UNC13A: variants seen among roughly 807,000 people sequenced by gnomAD.
UNC13A encodes unc-13 homolog A, also known as protein unc-13 homolog A.
UNC13A carries 61 observed loss-of-function variants against 219.7 expected under a neutral mutation model. The observed-to-expected ratio is 0.28, with a 90% CI of 0.23 to 0.34. The LOEUF (loss-of-function observed/expected upper bound fraction) is 0.34. Ranked by LOEUF, UNC13A falls within the 10% of genes least tolerant of loss-of-function variation. The pLI, the probability that UNC13A is intolerant of heterozygous loss-of-function variation, is 1.00. For missense variants in UNC13A, 1,476 were observed against 2,270.3 expected (o/e 0.65, Z 7.11); for synonymous variants, 920 against 884.6 (o/e 1.04, Z -0.71).
chr19:17,674,212 A>G lies in UNC13A; in HGVS notation c.152+445T>C, dbSNP rs984003805. Among the ~76,000 whole-genome samples, 4 of 152,238 alleles carry G rather than the reference A, an allele frequency of 2.6e-5. No individual in the cohort carries two copies. The South Asian group carries it at 8.3e-4, about 32-fold the overall frequency. On this transcript the variant is annotated intron_variant, in intron 3 of 43. Transcript: ENST00000519716. The surrounding 1 kb of genome is among the most constrained non-coding windows in gnomAD (Gnocchi z 5.0). ...AAGAACAAGCTGGGAAGTGTTGGAGAAAGGGGCAGAGGTGGGTGTGGCTGG... is the reference window on the plus strand; with the variant it reads ...AAGAACAAGCTGGGAAGTGTTGGAGGAAGGGGCAGAGGTGGGTGTGGCTGG...
rs374156776 is a variant in UNC13A, at chr19:17,649,259, T to C, written c.1524+80A>G. 4.6e-6 allele frequency: 7 copies of C among 1,533,078 alleles called. No individual in the cohort carries two copies. The highest frequency in any genetic ancestry group is 6.1e-6 in the Non-Finnish European group (7 of 1,142,774). 95.0% of individuals were successfully genotyped at this position (1,533,078 alleles called of 1,614,324 possible). On this transcript the variant is annotated intron_variant, in intron 14 of 43. Transcript: ENST00000519716. The surrounding 1 kb of genome is among the most constrained non-coding windows in gnomAD (Gnocchi z 4.4). Reference sequence around the variant, plus strand: ...CATGGCAAGGTTCCCCCATAATCCATGAATTGGGGGCCTGTTAGAAGATCC... The same window carrying C: ...CATGGCAAGGTTCCCCCATAATCCACGAATTGGGGGCCTGTTAGAAGATCC...
chr19:17,646,642 T>C (rs563886165), intron 17 of UNC13A, among the ~76,000 whole-genome samples: 18 of 152,048 alleles, frequency 1.2e-4, no homozygotes, highest in South Asian at 4.2e-4. Flanking sequence ...CAAGAACCCA[T>C]TGCCCCCCGA....
At position 17,610,014 on chromosome 19, in the gene UNC13A, G is replaced by A; in HGVS notation, c.4737C>T (p.Ser1579=). ...TGGTCGCAAACTTGCGTTTCTTGTC[G>A]CTGAGCTGGGGCCCAATGATGTTGA... ...IEVNIIGPQL[S]DKKRKFATKS... Residue 1579 remains serine (S), a synonymous_variant, in exon 43 of 44, where the codon AGC becomes AGT. Coordinates refer to ENST00000519716, the MANE Select transcript of UNC13A (RefSeq NM_001080421.3). The A allele has an allele frequency of 5.0e-6, 8 of 1,614,022 alleles. No individual in the cohort carries two copies. In the Admixed American group the frequency reaches 6.7e-5, roughly 13 times the overall value.
intron 8 of UNC13A, among the ~76,000 whole-genome samples, chr19:17,662,522 C>T (rs1041294244): frequency 6.6e-5 from 10 of 152,114 alleles, no homozygotes; most frequent in African/African-American, 4.8e-5. Context: ...GAACTTGAAT[C>T]ATCCAGAAAC....
intron 43 of UNC13A, among the ~76,000 whole-genome samples, chr19:17,609,361 C>T (rs868576098): frequency 6.6e-6 from 1 of 151,948 alleles, no homozygotes; most frequent in Non-Finnish European, 1.5e-5. Context: ...ACTCCAAGAA[C>T]CTCCATCCAA....
chr19:17,670,147 C>T (rs1443480113), intron 4 of UNC13A, among the ~76,000 whole-genome samples: 1 of 151,840 alleles, frequency 6.6e-6, no homozygotes, highest in African/African-American at 2.4e-5. Context: ...GGGGTTTCAC[C>T]GTGTTAGCCA....
In UNC13A at chr19:17,605,261, C is replaced by T; in HGVS notation, c.*793G>A. 1 of 153,040 alleles carries T rather than the reference C, an allele frequency of 6.5e-6. No homozygotes were observed. Among genetic ancestry groups the T allele is most frequent in the Non-Finnish European group, 1.5e-5 (1 of 68,254 alleles). 9.5% of individuals were successfully genotyped at this position (153,040 alleles called of 1,614,324 possible). A position where few individuals can be genotyped will look rare whatever the true frequency, so the allele number is the denominator to read the frequency against. ...GAGGGTATGGCACCTGGAACCTTGG[C>T]CAAGTCTCAAGCAGCTCTTTAAGCC... On this transcript the variant is annotated 3_prime_UTR_variant, in exon 44 of 44. Coordinates refer to ENST00000519716, the MANE Select transcript of UNC13A (RefSeq NM_001080421.3).
At chr19:17,620,428 C>T (rs956022854) in intron 38 of UNC13A, among the ~76,000 whole-genome samples, 5 of 152,222 alleles carry the variant, frequency 3.3e-5, no homozygotes, top group South Asian at 2.1e-4. Flanking sequence ...AGGGGTCCAG[C>T]GGACTGGGCC....
In UNC13A at chr19:17,606,953, C is replaced by T. The variant is rs77412798; in HGVS notation, c.4812-599G>A. Among the ~76,000 whole-genome samples the T allele has an allele frequency of 5.2e-3, 794 of 152,290 alleles. 14 individuals carry two copies. The highest frequency in any genetic ancestry group is 0.018 in the African/African-American group (743 of 41,558). On this transcript the variant is annotated intron_variant, in intron 43 of 43. Transcript: ENST00000519716. ...TCCCAGTGACCTGCCCTGACGCCAGCTGGATAAGAGCCCCTCCTACAGGGT... is the reference window on the plus strand; with the variant it reads ...TCCCAGTGACCTGCCCTGACGCCAGTTGGATAAGAGCCCCTCCTACAGGGT...
chr19:17,658,268 G>A lies in UNC13A; in HGVS notation c.561C>T (p.Asn187=), dbSNP rs769080235. 6 of 1,610,728 alleles carry A rather than the reference G, an allele frequency of 3.7e-6. No individual in the cohort carries two copies. The highest frequency in any genetic ancestry group is 2.7e-5 in the African/African-American group (2 of 74,878). ...WNYFGWGEQH[N]DDPDSAVDDR... ...CATCCACTGCACTGTCGGGGTCATC[G>A]TCTGGAAGAGAGAGGCGGTATGGGA... Residue 187 remains asparagine, a splice_region_variant and synonymous_variant, in exon 9 of 44, where the codon AAC becomes AAT. Transcript: ENST00000519716.
At chr19:17,623,363 A>C in intron 36 of UNC13A, 179 bp downstream of exon 36, 5 of 511,662 alleles carry the variant, frequency 9.8e-6, no homozygotes, top group East Asian at 3.6e-5. Flanking sequence ...CCTCCCTCCC[A>C]GCCCCGCCCC....
Position 17,606,100 on chromosome 19 carries a change from G to A in UNC13A, c.5066C>T (p.Ser1689Leu). ...EVAKEFVKLK[S>L]DTRSAEEGGA... The stretch of plus-strand genomic sequence containing the variant: ...GCCCTCCTCGGCGGAGCGCGTGTCC[G>A]ACTTGAGCTTCACGAACTCCTTGGC... The change falls in exon 44 of 44, where the codon TCG (serine) becomes TTG (leucine). Residue 1689 changes from serine (S) to leucine (L), a missense_variant. By Grantham distance (145) the Ser-to-Leu change is moderately radical. Transcript: ENST00000519716. The A allele has an allele frequency of 6.3e-7, 1 of 1,595,394 alleles. No individual in the cohort carries two copies. The highest frequency in any genetic ancestry group is 8.5e-7 in the Non-Finnish European group (1 of 1,173,230).
chr19:17,676,030 T>C lies in UNC13A; in HGVS notation c.34A>G (p.Lys12Glu). 6.4e-7 allele frequency: 1 copy of C among 1,551,296 alleles called. No individual in the cohort carries two copies. Among genetic ancestry groups the C allele is most frequent in the Non-Finnish European group, 8.7e-7 (1 of 1,146,908 alleles). ...SLLCVGVKKAKFDGAQEKFNT... is the reference protein window; with the variant it reads ...SLLCVGVKKAEFDGAQEKFNT... ...CACTTACCTTGGGCACCATCAAACT[T>C]GGCTTTTTTGACTGTGGAGAGAGAC... The change falls in exon 2 of 44, where the codon AAG becomes GAG. Residue 12 changes from lysine to glutamate, a missense_variant. Around this residue, in one of 14 missense-constraint regions of UNC13A, gnomAD observed 203 missense variants for 301.6 expected, o/e 0.67. Transcript: ENST00000519716.
At chr19:17,685,940 C>G (rs1461193898) in intron 1 of UNC13A, among the ~76,000 whole-genome samples, 1 of 151,864 alleles carries the variant, frequency 6.6e-6, no homozygotes, top group Non-Finnish European at 1.5e-5. Flanking sequence ...CCATCCCAGC[C>G]CCTCCCCTCT....
intron 11 of UNC13A, among the ~76,000 whole-genome samples, chr19:17,653,145 G>C (rs2079381275): frequency 6.6e-6 from 1 of 151,992 alleles, no homozygotes; most frequent in African/African-American, 2.4e-5. Flanking sequence ...GGCCCTATGA[G>C]GAACACAGGC....
rs924877227 is a variant in UNC13A, at chr19:17,605,496, C to T, written c.*558G>A. ...CCCCTCCCCCCATTTATTTTTTGCA[C>T]AAATATCTAAAGGGACTCCGGTATT... On this transcript the variant is annotated 3_prime_UTR_variant, in exon 44 of 44. Transcript: ENST00000519716. 1 of 151,640 alleles carries T rather than the reference C, an allele frequency of 6.6e-6. No individual in the cohort carries two copies. The highest frequency in any genetic ancestry group is 1.5e-5 in the Non-Finnish European group (1 of 67,842). The allele number at this position is 151,640 out of a possible 1,614,324, so 9.4% of individuals were successfully genotyped here. A position where few individuals can be genotyped will look rare whatever the true frequency, so the allele number is the denominator to read the frequency against.
intron 43 of UNC13A, among the ~76,000 whole-genome samples, chr19:17,607,642 G>A (rs111763435): frequency 6.6e-6 from 1 of 151,944 alleles, no homozygotes; most frequent in African/African-American, 2.4e-5. Context: ...GGAGTGCAGT[G>A]GCACAATCAT....
At chr19:17,642,023 T>C (rs2145045568) in intron 20 of UNC13A, among the ~76,000 whole-genome samples, 1 of 151,208 alleles carries the variant, frequency 6.6e-6, no homozygotes, top group East Asian at 1.9e-4. Context: ...CATTTGTCCA[T>C]CTGCCTATAC....
intron 1 of UNC13A, among the ~76,000 whole-genome samples, chr19:17,679,942 CT>C (rs1483576945): frequency 6.6e-6 from 1 of 152,076 alleles, no homozygotes; most frequent in Non-Finnish European, 1.5e-5. Flanking sequence ...GCTGTACCCT[CT>C]GATAGCTGAA....
Sources: gnomAD v4.1 joint callset for allele counts (sites outside exome capture counted in the v4.1 genomes callset) on GRCh38, gnomAD v4.1.1 for gene constraint, gnomAD v4.1.1 regional missense constraint, Gnocchi (gnomAD v3.1) non-coding constraint, MANE v1.5 for transcripts, NCBI Gene and HGNC (gene_info 2026-07-23, HGNC 2026-07-21) for gene names.